Variants in GRIK2 observed in about 807,000 individuals in gnomAD.
The protein encoded by GRIK2 is glutamate ionotropic receptor kainate type subunit 2, also known as glutamate receptor ionotropic, kainate 2.
GRIK2 carries 32 observed loss-of-function variants against 100.3 expected under a neutral mutation model. The observed-to-expected ratio is 0.32, with a 90% CI of 0.24 to 0.43. GRIK2 has a LOEUF of 0.43. GRIK2 is among the 20% of genes least tolerant of loss of function. The pLI is 1.00. For synonymous variants in GRIK2, 417 were observed against 389.4 expected (o/e 1.07, Z -0.83); for missense variants, 843 against 1,114.9 (o/e 0.76, Z 3.47).
At chr6:101,886,707 C>T (rs574348434) in intron 11 of GRIK2, among the ~76,000 whole-genome samples, 1 of 151,730 alleles carries the variant, frequency 6.6e-6, no homozygotes, top group South Asian at 2.1e-4. Context: ...ATCTCTTGAA[C>T]CTATTTCTCC....
At chr6:101,419,718 T>C (rs769832634) in intron 2 of GRIK2, among the ~76,000 whole-genome samples, 3 of 152,348 alleles carry the variant, frequency 2.0e-5, no homozygotes, top group Non-Finnish European at 2.9e-5. Flanking sequence ...CCAAATGTCC[T>C]AAATATTGAG....
rs188891893 is a variant in GRIK2 at position 101,940,270 on chromosome 6, A to G, written c.2085+11638A>G. Among the ~76,000 whole-genome samples the G allele has an allele frequency of 2.0e-4, 30 of 152,236 alleles. 1 individual carries two copies. Among genetic ancestry groups the G allele is most frequent in the Middle Eastern group, 6.8e-3 (2 of 294 alleles). ...TGTTTTAATGAAGCAGCTTATGAGTAGCATCAAGTCTTCCAGGCTTTACTT... is the reference window on the plus strand; with the variant it reads ...TGTTTTAATGAAGCAGCTTATGAGTGGCATCAAGTCTTCCAGGCTTTACTT... On this transcript the variant is annotated intron_variant, in intron 14 of 16. Transcript: ENST00000369134.
At chr6:101,759,653 GC>G (rs1416369740) in intron 7 of GRIK2, among the ~76,000 whole-genome samples, 2 of 151,850 alleles carry the variant, frequency 1.3e-5, no homozygotes, top group African/African-American at 4.8e-5. Flanking sequence ...CACCATTAAG[GC>G]CCTTTGTTGT....
chr6:101,959,062 T>C (rs1386943811), intron 14 of GRIK2, among the ~76,000 whole-genome samples: 1 of 151,950 alleles, frequency 6.6e-6, no homozygotes, highest in Non-Finnish European at 1.5e-5. Flanking sequence ...GGGAGGATTC[T>C]CTTCTCATCA....
At chr6:101,999,814 T>A (rs1794839101) in intron 14 of GRIK2, among the ~76,000 whole-genome samples, 1 of 152,098 alleles carries the variant, frequency 6.6e-6, no homozygotes, top group Non-Finnish European at 1.5e-5. Context: ...TTGTTATAGG[T>A]AACTTATATC....
chr6:101,963,717 T>C (rs2128483449), intron 14 of GRIK2, among the ~76,000 whole-genome samples: 1 of 152,122 alleles, frequency 6.6e-6, no homozygotes, highest in Admixed American at 6.6e-5. Context: ...TTTTATGCTC[T>C]AATTTTTGTA....
chr6:101,965,056 A>T (rs766135103), intron 14 of GRIK2, among the ~76,000 whole-genome samples: 2 of 152,134 alleles, frequency 1.3e-5, no homozygotes, highest in African/African-American at 4.8e-5. Flanking sequence ...GAGCCTCTGG[A>T]TTGAGGCATT....
At chr6:101,632,253 C>G (rs1421962628) in intron 4 of GRIK2, among the ~76,000 whole-genome samples, 2 of 152,088 alleles carry the variant, frequency 1.3e-5, no homozygotes, top group African/African-American at 4.8e-5. Flanking sequence ...TCCCCACCCC[C>G]ATGAGAACTC....
intron 2 of GRIK2, among the ~76,000 whole-genome samples, chr6:101,615,570 A>G (rs1399850406): frequency 6.6e-6 from 1 of 151,846 alleles, no homozygotes; most frequent in Non-Finnish European, 1.5e-5. Context: ...TATCCATCAA[A>G]CATGATTTAT....
intron 2 of GRIK2, among the ~76,000 whole-genome samples, chr6:101,579,746 G>A (rs985757447): frequency 6.6e-6 from 1 of 151,646 alleles, no homozygotes; most frequent in African/African-American, 2.4e-5. Flanking sequence ...AGCTACTCAG[G>A]AGGCTGAGGC....
intron 14 of GRIK2, among the ~76,000 whole-genome samples, chr6:101,989,913 T>G (rs1794265001): frequency 6.6e-6 from 1 of 151,762 alleles, no homozygotes; most frequent in Admixed American, 6.6e-5. Context: ...AGCACTCATT[T>G]ACTAAATATG....
intron 2 of GRIK2, among the ~76,000 whole-genome samples, chr6:101,595,718 G>GTGTATATATATATA (rs1212283441): frequency 8.2e-6 from 1 of 122,328 alleles, no homozygotes; most frequent in African/African-American, 3.2e-5. Context: ...GTGTGTGTGT[G>GTGTATATATATATA]TATATATATA....
chr6:102,064,932 A>T (rs1771941739), intron 16 of GRIK2, among the ~76,000 whole-genome samples: 1 of 151,274 alleles, frequency 6.6e-6, no homozygotes, highest in African/African-American at 2.4e-5. Flanking sequence ...AATGGGTTAG[A>T]ATTATTCTAC....
chr6:101,449,621 A>G (rs767218894), intron 2 of GRIK2, among the ~76,000 whole-genome samples: 8 of 151,702 alleles, frequency 5.3e-5, no homozygotes, highest in Non-Finnish European at 1.2e-4. Flanking sequence ...AGTATGATCT[A>G]ATGATAATAA....
chr6:101,409,357 C>T (rs1272348102), intron 2 of GRIK2, among the ~76,000 whole-genome samples: 3 of 151,966 alleles, frequency 2.0e-5, no homozygotes, highest in Non-Finnish European at 4.4e-5. Context: ...TGGGTAAGTA[C>T]ACTCTGTGAT....
intron 10 of GRIK2, among the ~76,000 whole-genome samples, chr6:101,835,655 A>C (rs1347369850): frequency 6.7e-6 from 1 of 149,056 alleles, no homozygotes; most frequent in Admixed American, 6.7e-5. Flanking sequence ...ATTTTAGTAG[A>C]GATGGGGTTT....
intron 2 of GRIK2, among the ~76,000 whole-genome samples, chr6:101,549,260 T>A (rs1477264047): frequency 7.2e-6 from 1 of 137,950 alleles, no homozygotes; most frequent in Non-Finnish European, 1.5e-5. Context: ...AAAGGAGGGT[T>A]AGTAGTGATG....
intron 12 of GRIK2, among the ~76,000 whole-genome samples, chr6:101,897,486 A>G (rs757952987): frequency 6.6e-6 from 1 of 151,760 alleles, no homozygotes; most frequent in Non-Finnish European, 1.5e-5. Context: ...TTCCATAGCC[A>G]CTGGAAAAAT....
At chr6:101,554,810 G>T (rs534747547) in intron 2 of GRIK2, among the ~76,000 whole-genome samples, 1 of 151,996 alleles carries the variant, frequency 6.6e-6, no homozygotes, top group East Asian at 1.9e-4. Flanking sequence ...TTGTACCTGC[G>T]CATAAGAAGG....
Sources: gnomAD v4.1 joint callset for allele counts (sites outside exome capture counted in the v4.1 genomes callset) on GRCh38, gnomAD v4.1.1 for gene constraint, MANE v1.5 for transcripts, NCBI Gene and HGNC (gene_info 2026-07-23, HGNC 2026-07-21) for gene names.